VEGFA: variants seen among roughly 807,000 people sequenced by gnomAD.
The protein encoded by VEGFA is vascular endothelial growth factor A, long form.
Under a neutral mutation model 49.7 loss-of-function variants are expected in VEGFA, and 20 were observed. That is an observed-to-expected ratio of 0.40 (90% CI 0.28 to 0.58). VEGFA has a LOEUF of 0.58. VEGFA is among the 20% of genes least tolerant of loss of function. The pLI, the probability that VEGFA is intolerant of heterozygous loss-of-function variation, is 0.40. For synonymous variants in VEGFA, 219 were observed against 223.4 expected (o/e 0.98, Z 0.18); for missense variants, 505 against 553.5 (o/e 0.91, Z 0.88).
In VEGFA at chr6:43,786,074, A is replaced by T. The variant is rs1390734609; in HGVS notation, c.*1512A>T. 1 of 181,668 alleles carries T rather than the reference A, an allele frequency of 5.5e-6. No homozygotes were observed. The highest frequency in any genetic ancestry group is 1.2e-5 in the Non-Finnish European group (1 of 85,160). 11.3% of individuals were successfully genotyped at this position (181,668 alleles called of 1,614,324 possible). The stretch of plus-strand genomic sequence containing the variant: ...CCGATCCCCTGGCTCCCCAGCACAC[A>T]TTCCTTTGAAATAAGGTTTCAATAT... On this transcript the variant is annotated 3_prime_UTR_variant, in exon 8 of 8. Transcript: ENST00000672860.
intron 1 of VEGFA, 137 bp downstream of exon 1, chr6:43,771,449 T>G (rs1324393802): frequency 3.3e-6 from 3 of 898,552 alleles, no homozygotes; most frequent in Non-Finnish European, 4.7e-6. Flanking sequence ...CGTCCCCCTC[T>G]GTCGTCTTAG....
In VEGFA at chr6:43,777,983, G is replaced by C; in HGVS notation, c.855+318G>C. 1 of 470,392 alleles carries C rather than the reference G, an allele frequency of 2.1e-6. No homozygotes were observed. Among genetic ancestry groups the C allele is most frequent in the Non-Finnish European group, 3.9e-6 (1 of 258,470 alleles). 29.1% of individuals were successfully genotyped at this position (470,392 alleles called of 1,614,324 possible). ...GTCCTGAGTGCCCCCCCTTCTTGGG[G>C]GCTTTGTTTGGGAAGCTGGATGAGC... On this transcript the variant is annotated intron_variant, in intron 3 of 7. Coordinates refer to ENST00000672860, the MANE Select transcript of VEGFA (RefSeq NM_003376.6). The surrounding 1 kb of genome is among the most constrained non-coding windows in gnomAD (Gnocchi z 4.3).
At chr6:43,780,684 C>G in intron 5 of VEGFA, 48 bp from the exon 6 acceptor site, 19 of 1,592,338 alleles carry the variant, frequency 1.2e-5, no homozygotes, top group Non-Finnish European at 1.6e-5. Flanking sequence ...TCTTTTACTC[C>G]CCCCACCGCC....
In VEGFA at chr6:43,777,382, G is replaced by T; in HGVS notation, c.659-87G>T. 6.8e-7 allele frequency: 1 copy of T among 1,477,992 alleles called. No homozygotes were observed. Among genetic ancestry groups the T allele is most frequent in the South Asian group, 1.2e-5 (1 of 86,888 alleles). The allele number at this position is 1,477,992 out of a possible 1,614,324, so 91.6% of individuals were successfully genotyped here. A position where few individuals can be genotyped will look rare whatever the true frequency, so the allele number is the denominator to read the frequency against. Reference sequence around the variant, plus strand: ...ACTTGCCTGATTCGGAAGCTCCAAAGAGTGGCATTACAGAGCTGGGTGGAG... The same window carrying T: ...ACTTGCCTGATTCGGAAGCTCCAAATAGTGGCATTACAGAGCTGGGTGGAG... On this transcript the variant is annotated intron_variant, in intron 2 of 7. Coordinates refer to ENST00000672860, the MANE Select transcript of VEGFA (RefSeq NM_003376.6). This position sits in a 1 kb window ranked among gnomAD's most constrained non-coding sequence, Gnocchi z 4.3.
intron 7 of VEGFA, chr6:43,782,290 G>C (rs1768089288): frequency 2.7e-6 from 2 of 728,702 alleles, no homozygotes; most frequent in African/African-American, 3.5e-5. Context: ...CACTGGTCCA[G>C]CCTGGCGGGG....
At chr6:43,784,417 C>T (rs1769036262) in intron 7 of VEGFA, 124 bp from the exon 8 acceptor site, 2 of 929,894 alleles carry the variant, frequency 2.2e-6, no homozygotes, top group Non-Finnish European at 3.6e-6. Context: ...CCTGTCCTCT[C>T]TGCTCTTATG....
At chr6:43,778,559 A>C (rs1445594740) in intron 4 of VEGFA, 23 bp downstream of exon 4, 1 of 1,610,860 alleles carries the variant, frequency 6.2e-7, no homozygotes. Flanking sequence ...TCACGGATTC[A>C]TTATCAGCAA....
rs1769224457 is a variant in VEGFA at position 43,785,017 on chromosome 6, T to C, written c.*455T>C. The C allele has an allele frequency of 5.4e-6, 1 of 186,016 alleles. No individual in the cohort carries two copies. Among genetic ancestry groups the C allele is most frequent in the Non-Finnish European group, 1.1e-5 (1 of 88,246 alleles). 11.5% of individuals were successfully genotyped at this position (186,016 alleles called of 1,614,324 possible). A position where few individuals can be genotyped will look rare whatever the true frequency, so the allele number is the denominator to read the frequency against. ...TTTTTTAAATTAACAGTGCTAATGT[T>C]ATTGGTGTCTTCACTGGATGTATTT... On this transcript the variant is annotated 3_prime_UTR_variant, in exon 8 of 8. Transcript: ENST00000672860.
At chr6:43,771,890 C>T (rs1763710340) in intron 1 of VEGFA, 2 of 378,968 alleles carry the variant, frequency 5.3e-6, no homozygotes, top group South Asian at 1.1e-4. Flanking sequence ...GGGCCACCTG[C>T]GCCGCGCCAA....
Position 43,784,802 on chromosome 6 carries a change from T to G in VEGFA, c.*240T>G. On this transcript the variant is annotated 3_prime_UTR_variant, in exon 8 of 8. Transcript: ENST00000672860. ...TTCCCGGGCGGGTGACCCAGCACGG[T>G]CCCTCTTGGAATTGGATTCGCCATT... 1.5e-6 allele frequency: 1 copy of G among 685,506 alleles called. No homozygotes were observed. The highest frequency in any genetic ancestry group is 2.6e-6 in the Non-Finnish European group (1 of 378,246). 42.5% of individuals were successfully genotyped at this position (685,506 alleles called of 1,614,324 possible).
rs557803502 is a variant in VEGFA at position 43,779,346 on chromosome 6, G to A, written c.962+428G>A. On this transcript the variant is annotated intron_variant, in intron 5 of 7. Coordinates refer to ENST00000672860, the MANE Select transcript of VEGFA (RefSeq NM_003376.6). ...CTGCTGTGACGGTGCAGTTGGATGC[G>A]AGGCCGGCTGGAGGGTGGTTTCTCA... 6.8e-4 allele frequency: 243 copies of A among 359,478 alleles called. 1 individual carries two copies. Among genetic ancestry groups the A allele is most frequent in the African/African-American group, 4.4e-3 (209 of 47,896 alleles). 22.3% of individuals were successfully genotyped at this position (359,478 alleles called of 1,614,324 possible).
At chr6:43,781,811 C>T (rs74754942) in intron 6 of VEGFA, 145 bp from the exon 7 acceptor site, 63 of 1,064,084 alleles carry the variant, frequency 5.9e-5, no homozygotes, top group East Asian at 2.4e-4. Flanking sequence ...TTTGCTGTAG[C>T]GCTCGGATCC....
chr6:43,782,055 G>A lies in VEGFA; in HGVS notation c.1134G>A (p.Ala378=), dbSNP rs541900145. ...AAAACACAGACTCGCGTTGCAAGGCGAGGCAGCTTGAGTTAAACGAACGTA... is the reference window on the plus strand; with the variant it reads ...AAAACACAGACTCGCGTTGCAAGGCAAGGCAGCTTGAGTTAAACGAACGTA... Residue 378 remains alanine, a synonymous_variant, in exon 7 of 8, where the codon GCG becomes GCA. Transcript: ENST00000672860. 3.9e-5 allele frequency: 63 copies of A among 1,614,072 alleles called. No individual in the cohort carries two copies. In the South Asian group the frequency reaches 5.6e-4, roughly 14 times the overall value.
At chr6:43,780,361 G>A in intron 5 of VEGFA, 1 of 367,274 alleles carries the variant, frequency 2.7e-6, no homozygotes, top group Admixed American at 3.7e-5. Flanking sequence ...AGGGCTGCTG[G>A]GCAAAGAGCC....
chr6:43,770,517 G>A lies in VEGFA; in HGVS notation c.-190G>A. On this transcript the variant is annotated 5_prime_UTR_variant, in exon 1 of 8. Coordinates refer to ENST00000672860, the MANE Select transcript of VEGFA (RefSeq NM_003376.6). ...AAATCACTGTGGATTTTGGAAACCAGCAGAAAGAGGAAAGAGGTAGCAAGA... is the reference window on the plus strand; with the variant it reads ...AAATCACTGTGGATTTTGGAAACCAACAGAAAGAGGAAAGAGGTAGCAAGA... 7.9e-7 allele frequency: 1 copy of A among 1,258,780 alleles called. No homozygotes were observed. The allele number at this position is 1,258,780 out of a possible 1,614,324, so 78.0% of individuals were successfully genotyped here.
chr6:43,784,701 A>C lies in VEGFA; in HGVS notation c.*139A>C. 1.3e-6 allele frequency: 2 copies of C among 1,505,850 alleles called. No homozygotes were observed. Among genetic ancestry groups the C allele is most frequent in the South Asian group, 2.3e-5 (2 of 88,388 alleles). The allele number at this position is 1,505,850 out of a possible 1,614,324, so 93.3% of individuals were successfully genotyped here. On this transcript the variant is annotated 3_prime_UTR_variant, in exon 8 of 8. Transcript: ENST00000672860. ...CCATCGACAGAACAGTCCTTAATCC[A>C]GAAACCTGAAATGAAGGAAGAGGAG...
chr6:43,774,214 CAGA>C lies in VEGFA; in HGVS notation c.607-123_607-121del, dbSNP rs2128009442. ...ACCCCCGGTTGTGTCCTGTTCGACT[CAGA>C]AGACTTGGAGAAGCCAGAGGCTGTT... On this transcript the variant is annotated intron_variant, in intron 1 of 7. Transcript: ENST00000672860. 5.0e-6 allele frequency: 5 copies of C among 990,974 alleles called. No homozygotes were observed. In the South Asian group the frequency reaches 6.7e-5, roughly 13 times the overall value. 61.4% of individuals were successfully genotyped at this position (990,974 alleles called of 1,614,324 possible). A position where few individuals can be genotyped will look rare whatever the true frequency, so the allele number is the denominator to read the frequency against.
At chr6:43,771,568 C>T (rs1449650665) in intron 1 of VEGFA, among the ~76,000 whole-genome samples, 1 of 152,290 alleles carries the variant, frequency 6.6e-6, no homozygotes, top group South Asian at 2.1e-4. Context: ...ACGATCTGGG[C>T]CGACCAGCCG....
chr6:43,771,341 G>T, intron 1 of VEGFA, 29 bp downstream of exon 1: 1 of 1,586,974 alleles, frequency 6.3e-7, no homozygotes, highest in African/African-American at 1.4e-5. Flanking sequence ...CTGGCGCCGC[G>T]GGCCGCTGCG....
Sources: allele counts gnomAD v4.1 joint callset (sites outside exome capture counted in the v4.1 genomes callset), GRCh38; gene constraint gnomAD v4.1.1; non-coding constraint Gnocchi (gnomAD v3.1); transcripts MANE v1.5; gene names NCBI Gene and HGNC (gene_info 2026-07-23, HGNC 2026-07-21).